The following ZNF804A variants were observed in gnomAD, a reference collection of about 807,000 sequenced individuals.
ZNF804A encodes the protein zinc finger protein 804A.
Under a neutral mutation model 16.5 loss-of-function variants are expected in ZNF804A, and 2 were observed. That is an observed-to-expected ratio of 0.12 (90% CI 0.05 to 0.38). ZNF804A has a LOEUF of 0.38. Ranked by LOEUF, ZNF804A falls within the 10% of genes least tolerant of loss-of-function variation. The pLI is 0.99. For synonymous variants in ZNF804A, 534 were observed against 489.6 expected, an observed-to-expected ratio of 1.09 and a Z score of -1.20; for missense variants, 1,473 against 1,390.7, an observed-to-expected ratio of 1.06 and a Z score of -0.94.
At chr2:184,905,910 C>G (rs571209486) in intron 2 of ZNF804A, among the ~76,000 whole-genome samples, 5 of 152,272 alleles carry the variant, frequency 3.3e-5, no homozygotes, top group African/African-American at 1.2e-4. Flanking sequence ...ATATAGCTTG[C>G]AGATTCAGTG....
At chr2:184,897,633 T>G (rs1037449299) in intron 2 of ZNF804A, among the ~76,000 whole-genome samples, 4 of 152,100 alleles carry the variant, frequency 2.6e-5, no homozygotes, top group African/African-American at 9.7e-5. Flanking sequence ...CTCCAACACT[T>G]TTTTATTTCA....
At chr2:184,773,805 A>C (rs1022955380) in intron 1 of ZNF804A, among the ~76,000 whole-genome samples, 7 of 152,064 alleles carry the variant, frequency 4.6e-5, no homozygotes, top group Non-Finnish European at 1.0e-4. Flanking sequence ...TTGAAATAAA[A>C]ATTTTTTAAA....
At chr2:184,814,446 G>A (rs1006288275) in intron 1 of ZNF804A, among the ~76,000 whole-genome samples, 22 of 151,990 alleles carry the variant, frequency 1.4e-4, no homozygotes, top group African/African-American at 4.8e-4. Context: ...TCTATTACTT[G>A]TTAGGAGCTA....
At chr2:184,785,534 T>C (rs1377622015) in intron 1 of ZNF804A, among the ~76,000 whole-genome samples, 4 of 152,050 alleles carry the variant, frequency 2.6e-5, no homozygotes, top group Admixed American at 2.6e-4. Flanking sequence ...GAAGACAGTC[T>C]ATTTTACTTT....
rs890825452 is a variant in ZNF804A, at chr2:184,935,491, G to A, written c.387-292G>A. On this transcript the variant is annotated intron_variant, in intron 3 of 3. Coordinates refer to ENST00000302277, the MANE Select transcript of ZNF804A (RefSeq NM_194250.2). ...AAAATATCACAGAAGAGGCCATGAA[G>A]GTAGACAATTTTGGTCAGATAGAAC... 5.3e-5 allele frequency among the ~76,000 whole-genome samples: 8 copies of A among 152,236 alleles called. No individual in the cohort carries two copies. The South Asian group carries it at 1.0e-3, about 20-fold the overall frequency.
chr2:184,862,061 A>G (rs868780701), intron 1 of ZNF804A, among the ~76,000 whole-genome samples: 1 of 152,156 alleles, frequency 6.6e-6, no homozygotes, highest in East Asian at 1.9e-4. Flanking sequence ...GTGACACAGT[A>G]CAGAAACTGT....
chr2:184,736,638 C>T (rs1263574390), intron 1 of ZNF804A, among the ~76,000 whole-genome samples: 2 of 151,978 alleles, frequency 1.3e-5, no homozygotes, highest in South Asian at 2.1e-4. Context: ...TGCAGCAAAC[C>T]ACCACGGCAC....
At chr2:184,673,115 G>A (rs1241946240) in intron 1 of ZNF804A, among the ~76,000 whole-genome samples, 1 of 151,964 alleles carries the variant, frequency 6.6e-6, no homozygotes, top group African/African-American at 2.4e-5. Flanking sequence ...AATAAAAGAA[G>A]GAGGAAGGGA....
chr2:184,938,698 C>G lies in ZNF804A; in HGVS notation c.3302C>G (p.Thr1101Ser), dbSNP rs1339216976. 6.2e-7 allele frequency: 1 copy of G among 1,613,690 alleles called. No homozygotes were observed. Among genetic ancestry groups the G allele is most frequent in the East Asian group, 2.2e-5 (1 of 44,828 alleles). The change falls in exon 4 of 4, where the codon ACT becomes AGT. Residue 1101 changes from threonine (T) to serine (S), a missense_variant. Transcript: ENST00000302277. ...ACCTCTGTAACCACTATCCATCACA[C>G]TGTTTTGCAGCAGCACGCTGCAGCT... ...CSTSVTTIHH[T>S]VLQQHAAAAA...
At chr2:184,645,728 G>A (rs1691859890) in intron 1 of ZNF804A, among the ~76,000 whole-genome samples, 1 of 152,134 alleles carries the variant, frequency 6.6e-6, no homozygotes, top group Admixed American at 6.6e-5. Flanking sequence ...TAGCCTCTTG[G>A]AAATAGCAAG....
intron 2 of ZNF804A, among the ~76,000 whole-genome samples, chr2:184,884,506 A>C (rs1008113530): frequency 1.4e-5 from 2 of 147,000 alleles, no homozygotes; most frequent in Non-Finnish European, 3.0e-5. Flanking sequence ...AACCCTACTT[A>C]AAAAAAAAAT....
intron 1 of ZNF804A, among the ~76,000 whole-genome samples, chr2:184,641,353 G>A (rs1449313656): frequency 6.6e-6 from 1 of 152,168 alleles, no homozygotes. Flanking sequence ...AAAGCATGTA[G>A]AAACAAAGTA....
At chr2:184,649,829 A>AT (rs1691950046) in intron 1 of ZNF804A, among the ~76,000 whole-genome samples, 1 of 133,764 alleles carries the variant, frequency 7.5e-6, no homozygotes, top group Non-Finnish European at 1.7e-5. Flanking sequence ...CTACAAATCA[A>AT]CCAAAAAAAA....
At position 184,608,059 on chromosome 2, in the gene ZNF804A, C is replaced by T. The variant is rs1574129110; in HGVS notation, c.111+8989C>T. On this transcript the variant is annotated intron_variant, in intron 1 of 3. Transcript: ENST00000302277. ...CTCCCGGGTTCACGCCATTCTCCTG[C>T]CTCAGCCTCCCAAGTAGCTGGGACT... Among the ~76,000 whole-genome samples, 3 of 146,986 alleles carry T rather than the reference C, an allele frequency of 2.0e-5. No homozygotes were observed. In the Admixed American group the frequency reaches 2.1e-4, roughly 10 times the overall value.
chr2:184,773,470 T>G (rs1303767239), intron 1 of ZNF804A, among the ~76,000 whole-genome samples: 2 of 151,884 alleles, frequency 1.3e-5, no homozygotes, highest in Admixed American at 1.3e-4. Flanking sequence ...CCGATTAAAA[T>G]TAATAGGTCT....
In ZNF804A at chr2:184,719,016, C is replaced by A. The variant is rs557532683; in HGVS notation, c.111+119946C>A. 2.0e-5 allele frequency among the ~76,000 whole-genome samples: 3 copies of A among 152,320 alleles called. No homozygotes were observed. In the South Asian group the frequency reaches 6.2e-4, roughly 32 times the overall value. Reference sequence around the variant, plus strand: ...AGAGGTTCTCCATGAGGGCCCCATCCCTACAGCAAACTTCTGCCAGGGCAT... The same window carrying A: ...AGAGGTTCTCCATGAGGGCCCCATCACTACAGCAAACTTCTGCCAGGGCAT... On this transcript the variant is annotated intron_variant, in intron 1 of 3. Coordinates refer to ENST00000302277, the MANE Select transcript of ZNF804A (RefSeq NM_194250.2).
At chr2:184,637,551 G>T (rs996049118) in intron 1 of ZNF804A, among the ~76,000 whole-genome samples, 1 of 152,088 alleles carries the variant, frequency 6.6e-6, no homozygotes, top group Non-Finnish European at 1.5e-5. Flanking sequence ...GTTATGGCCA[G>T]GTTCCTAATC....
intron 1 of ZNF804A, among the ~76,000 whole-genome samples, chr2:184,772,347 A>G (rs1694229019): frequency 6.7e-6 from 1 of 150,256 alleles, no homozygotes; most frequent in Non-Finnish European, 1.5e-5. Context: ...TCCCATCTCT[A>G]TAGGTTGCCT....
intron 1 of ZNF804A, among the ~76,000 whole-genome samples, chr2:184,721,351 C>T (rs1464671617): frequency 7.2e-5 from 11 of 151,996 alleles, no homozygotes; most frequent in Admixed American, 1.3e-4. Context: ...ATTCATCTAA[C>T]AAGGGACTAA....
Sources: allele counts gnomAD v4.1 joint callset (sites outside exome capture counted in the v4.1 genomes callset), GRCh38; gene constraint gnomAD v4.1.1; transcripts MANE v1.5; gene names NCBI Gene and HGNC (gene_info 2026-07-23, HGNC 2026-07-21).